Variants in KLHL1 observed in about 807,000 individuals in gnomAD.
The protein encoded by KLHL1 is kelch like family member 1.
In KLHL1, 47 loss-of-function variants were observed where a neutral mutation model predicts 77.7. The observed-to-expected ratio is 0.60, with a 90% confidence interval of 0.48 to 0.77. The LOEUF (loss-of-function observed/expected upper bound fraction) is 0.77, where lower values mean the gene tolerates loss of function less well. Ranked by LOEUF, KLHL1 falls within the 30% of genes least tolerant of loss-of-function variation. The pLI, the probability that KLHL1 is intolerant of heterozygous loss-of-function variation, is 0.00. For missense variants in KLHL1, 925 were observed against 910.8 expected, an observed-to-expected ratio of 1.02 and a Z score of -0.20; for synonymous variants, 360 against 325.2, an observed-to-expected ratio of 1.11 and a Z score of -1.15.
intron 4 of KLHL1, among the ~76,000 whole-genome samples, chr13:69,939,376 T>TATATATATATATATAC: frequency 2.1e-5 from 1 of 48,502 alleles, no homozygotes; most frequent in South Asian, 5.5e-4. Context: ...TATATATATA[T>TATATATATATATATAC]ATACACACAC....
chr13:69,815,201 G>A (rs1878068629), intron 6 of KLHL1, among the ~76,000 whole-genome samples: 1 of 152,106 alleles, frequency 6.6e-6, no homozygotes. Context: ...TCTCATTACT[G>A]GGTATATACC....
At chr13:69,895,980 T>A (rs1433213598) in intron 4 of KLHL1, among the ~76,000 whole-genome samples, 1 of 152,158 alleles carries the variant, frequency 6.6e-6, no homozygotes, top group African/African-American at 2.4e-5. Context: ...AGTGCTGGGA[T>A]TACAGGCATG....
At chr13:70,082,350 CACACACACACACACACACA>C (rs1887416020) in intron 1 of KLHL1, among the ~76,000 whole-genome samples, 1 of 147,448 alleles carries the variant, frequency 6.8e-6, no homozygotes, top group African/African-American at 2.5e-5. Context: ...CACACACACA[CACACACACACACACACACA>C]AAGGAACCAT....
At chr13:70,094,393 T>TATATATATATATATATA (rs1887738580) in intron 1 of KLHL1, among the ~76,000 whole-genome samples, 9 of 137,226 alleles carry the variant, frequency 6.6e-5, no homozygotes, top group African/African-American at 2.8e-4. Flanking sequence ...GCAATCATCT[T>TATATATATATATATATA]TATATATATA....
At chr13:69,802,017 C>T (rs1401527600) in intron 6 of KLHL1, among the ~76,000 whole-genome samples, 1 of 151,958 alleles carries the variant, frequency 6.6e-6, no homozygotes, top group Non-Finnish European at 1.5e-5. Flanking sequence ...TGTCCCCTTG[C>T]CCCCCTACCC....
chr13:69,771,944 T>TAAG (rs1219372914), intron 7 of KLHL1, among the ~76,000 whole-genome samples: 3 of 151,778 alleles, frequency 2.0e-5, no homozygotes, highest in Non-Finnish European at 4.4e-5. Flanking sequence ...ATAAATAGTA[T>TAAG]AATAATAATA....
intron 8 of KLHL1, among the ~76,000 whole-genome samples, chr13:69,729,043 T>C (rs1309612500): frequency 6.6e-6 from 1 of 152,082 alleles, no homozygotes; most frequent in African/African-American, 2.4e-5. Context: ...AGCTAGAATG[T>C]AAAGTGCAAA....
At chr13:69,705,904 TAA>T (rs1875604780) in intron 10 of KLHL1, among the ~76,000 whole-genome samples, 1 of 151,878 alleles carries the variant, frequency 6.6e-6, no homozygotes, top group African/African-American at 2.4e-5. Context: ...CTCTTTATTA[TAA>T]ATATGTATTC....
At chr13:70,005,161 G>C (rs1271552569) in intron 1 of KLHL1, among the ~76,000 whole-genome samples, 2 of 151,376 alleles carry the variant, frequency 1.3e-5, no homozygotes, top group Non-Finnish European at 2.9e-5. Context: ...AAATTATGTG[G>C]TTACCAAAGA....
chr13:69,746,392 G>A (rs143738983), intron 7 of KLHL1, among the ~76,000 whole-genome samples: 1 of 151,758 alleles, frequency 6.6e-6, no homozygotes, highest in East Asian at 1.9e-4. Flanking sequence ...CTTTTATTTA[G>A]TAATGCTTAC....
chr13:70,082,324 C>CACACACACACAA (rs1399549874), intron 1 of KLHL1, among the ~76,000 whole-genome samples: 1 of 108,390 alleles, frequency 9.2e-6, no homozygotes, highest in East Asian at 3.0e-4. Flanking sequence ...CACACACACA[C>CACACACACACAA]ACACACACAC....
chr13:70,029,576 C>T lies in KLHL1; in HGVS notation c.498-53774G>A, dbSNP rs573126792. 2.6e-5 allele frequency among the ~76,000 whole-genome samples: 4 copies of T among 152,172 alleles called. No individual in the cohort carries two copies. The East Asian group carries it at 5.8e-4, about 22-fold the overall frequency. On this transcript the variant is annotated intron_variant, in intron 1 of 10. Transcript: ENST00000377844. ...GCTGAGAGATTTTGTCACCACCAGG[C>T]CTGCCCTAAAAGAGCTCATGAAGGA...
chr13:70,067,806 C>CTAT (rs1048313320), intron 1 of KLHL1, among the ~76,000 whole-genome samples: 2 of 152,078 alleles, frequency 1.3e-5, no homozygotes, highest in Non-Finnish European at 2.9e-5. Flanking sequence ...TTTCCTCCAC[C>CTAT]ATAACCATTA....
At chr13:70,093,498 G>A (rs1388416253) in intron 1 of KLHL1, among the ~76,000 whole-genome samples, 1 of 151,988 alleles carries the variant, frequency 6.6e-6, no homozygotes, top group Non-Finnish European at 1.5e-5. Context: ...TAATTCCTAA[G>A]CACTTTAAAG....
chr13:69,895,719 T>TTG (rs1555278468), intron 4 of KLHL1, among the ~76,000 whole-genome samples: 1 of 151,058 alleles, frequency 6.6e-6, no homozygotes, highest in Non-Finnish European at 1.5e-5. Flanking sequence ...TTTCCTTTTT[T>TTG]TTTTTTTCAA....
chr13:70,091,969 A>C (rs991765824), intron 1 of KLHL1, among the ~76,000 whole-genome samples: 1 of 152,114 alleles, frequency 6.6e-6, no homozygotes, highest in African/African-American at 2.4e-5. Context: ...TGTAGTGGGG[A>C]ACATCTACCC....
Position 69,701,624 on chromosome 13 carries a change from G to A in KLHL1, c.*78C>T. ...TGTTCTTGAAGAGTTTTCATCTCTG[G>A]AAGTTCTCATTCTTGCCATTCAATA... On this transcript the variant is annotated 3_prime_UTR_variant, in exon 11 of 11. Transcript: ENST00000377844. 4 of 981,564 alleles carry A rather than the reference G, an allele frequency of 4.1e-6. No individual in the cohort carries two copies. Among genetic ancestry groups the A allele is most frequent in the Non-Finnish European group, 6.4e-6 (4 of 629,304 alleles). The allele number at this position is 981,564 out of a possible 1,614,324, so 60.8% of individuals were successfully genotyped here.
At chr13:69,735,975 C>G (rs1873744963) in intron 8 of KLHL1, among the ~76,000 whole-genome samples, 1 of 152,006 alleles carries the variant, frequency 6.6e-6, no homozygotes, top group South Asian at 2.1e-4. Flanking sequence ...TGTGTGTATG[C>G]ACATATACAG....
chr13:69,932,289 G>C, intron 4 of KLHL1, among the ~76,000 whole-genome samples: 1 of 150,760 alleles, frequency 6.6e-6, no homozygotes, highest in East Asian at 2.0e-4. Context: ...GGGGATTTTT[G>C]TATGTATAAA....
Sources: gnomAD v4.1 joint callset for allele counts (sites outside exome capture counted in the v4.1 genomes callset) on GRCh38, gnomAD v4.1.1 for gene constraint, MANE v1.5 for transcripts, NCBI Gene and HGNC (gene_info 2026-07-23, HGNC 2026-07-21) for gene names.